Variants in IFTAP observed in about 807,000 individuals in gnomAD.
The protein encoded by IFTAP is intraflagellar transport associated protein.
IFTAP carries 19 observed loss-of-function variants against 19.4 expected under a neutral mutation model. The observed-to-expected ratio is 0.98, with a 90% confidence interval of 0.68 to 1.44. The LOEUF (loss-of-function observed/expected upper bound fraction) is 1.44, where lower values mean the gene tolerates loss of function less well. Among genes scored for constraint, IFTAP ranks in the 40% most tolerant of loss-of-function variants. The pLI is 0.00. For synonymous variants in IFTAP, 85 were observed against 83.5 expected, an observed-to-expected ratio of 1.02 and a Z score of -0.10; for missense variants, 240 against 253.6, an observed-to-expected ratio of 0.95 and a Z score of 0.36.
chr11:36,595,837 G>A (rs535848842), intron 1 of IFTAP, among the ~76,000 whole-genome samples: 5 of 152,372 alleles, frequency 3.3e-5, no homozygotes, highest in African/African-American at 1.2e-4. Flanking sequence ...GATAAGGTTG[G>A]AGAGGATGAG....
At chr11:36,596,063 C>T (rs1237374136) in intron 1 of IFTAP, among the ~76,000 whole-genome samples, 1 of 152,158 alleles carries the variant, frequency 6.6e-6, no homozygotes, top group Non-Finnish European at 1.5e-5. Flanking sequence ...AATGGGATAG[C>T]ACGTGTAAAT....
At chr11:36,623,358 C>T (rs1852381822) in intron 2 of IFTAP, among the ~76,000 whole-genome samples, 1 of 141,832 alleles carries the variant, frequency 7.1e-6, no homozygotes, top group Non-Finnish European at 1.5e-5. Context: ...TGTGATACTC[C>T]CCCCCCCACT....
chr11:36,595,426 T>G (rs1851176578), intron 1 of IFTAP, among the ~76,000 whole-genome samples: 1 of 152,250 alleles, frequency 6.6e-6, no homozygotes, highest in South Asian at 2.1e-4. Context: ...ACACTCCGTG[T>G]TTGCAGTGTG....
At chr11:36,644,749 A>T (rs1309827730) in intron 4 of IFTAP, among the ~76,000 whole-genome samples, 3 of 151,114 alleles carry the variant, frequency 2.0e-5, no homozygotes, top group African/African-American at 7.3e-5. Flanking sequence ...TATCGTAAGG[A>T]TAAAAAAACC....
intron 5 of IFTAP, among the ~76,000 whole-genome samples, chr11:36,651,371 T>C (rs1303974082): frequency 6.6e-6 from 1 of 152,250 alleles, no homozygotes; most frequent in Non-Finnish European, 1.5e-5. Context: ...GAAGTGTCTG[T>C]TCATGTCCTT....
intron 1 of IFTAP, among the ~76,000 whole-genome samples, chr11:36,605,556 G>A (rs1426469358): frequency 3.9e-5 from 6 of 152,136 alleles, no homozygotes; most frequent in Non-Finnish European, 2.9e-5. Context: ...GTGGTTGTTA[G>A]CTTCATTATT....
chr11:36,610,292 TA>T, intron 2 of IFTAP, 53 bp downstream of exon 2: 1 of 1,489,816 alleles, frequency 6.7e-7, no homozygotes, highest in Non-Finnish European at 9.2e-7. Flanking sequence ...AATTTTATTA[TA>T]AGTGTATGTT....
At chr11:36,651,150 G>C (rs144977989) in intron 5 of IFTAP, among the ~76,000 whole-genome samples, 3,884 of 152,248 alleles carry the variant, frequency 0.026, 167 homozygotes, top group African/African-American at 0.088. Flanking sequence ...CACAATGGTT[G>C]AACTAGTTTA....
In IFTAP at chr11:36,616,310, T is replaced by G. The variant is rs540024823; in HGVS notation, c.136+6071T>G. On this transcript the variant is annotated intron_variant, in intron 2 of 5. Coordinates refer to ENST00000334307, the MANE Select transcript of IFTAP (RefSeq NM_138787.4). ...TTATTTCAGATTTTGATATGTAATTTCATTCTTAGTTTTCTTTATGCTATT... is the reference window on the plus strand; with the variant it reads ...TTATTTCAGATTTTGATATGTAATTGCATTCTTAGTTTTCTTTATGCTATT... 5.9e-5 allele frequency among the ~76,000 whole-genome samples: 9 copies of G among 152,154 alleles called. No individual in the cohort carries two copies. The South Asian group carries it at 1.0e-3, about 18-fold the overall frequency.
intron 2 of IFTAP, among the ~76,000 whole-genome samples, chr11:36,626,299 C>T (rs1406244379): frequency 1.3e-5 from 2 of 151,340 alleles, no homozygotes; most frequent in African/African-American, 2.5e-5. Context: ...CGGATACATT[C>T]TTAAACATGG....
chr11:36,627,349 A>G (rs1792852004), intron 2 of IFTAP, among the ~76,000 whole-genome samples: 1 of 151,094 alleles, frequency 6.6e-6, no homozygotes, highest in Admixed American at 6.6e-5. Flanking sequence ...ATTACACCTC[A>G]GTAAAGCTGT....
intron 5 of IFTAP, among the ~76,000 whole-genome samples, chr11:36,654,966 C>A (rs1281638385): frequency 6.6e-6 from 1 of 152,098 alleles, no homozygotes; most frequent in African/African-American, 2.4e-5. Flanking sequence ...TCCAACAGGG[C>A]AGGGCATTTT....
intron 4 of IFTAP, among the ~76,000 whole-genome samples, chr11:36,641,797 G>A (rs552465974): frequency 7.9e-5 from 12 of 152,178 alleles, no homozygotes; most frequent in Middle Eastern, 3.4e-3. Flanking sequence ...GGTCCGCTTC[G>A]TGCAAAGCTG....
At chr11:36,652,991 C>A (rs1057360640) in intron 5 of IFTAP, among the ~76,000 whole-genome samples, 2 of 151,980 alleles carry the variant, frequency 1.3e-5, no homozygotes, top group African/African-American at 4.8e-5. Context: ...ATTTGTGATA[C>A]CCACCCTCTC....
At chr11:36,644,003 C>T (rs1853350763) in intron 4 of IFTAP, among the ~76,000 whole-genome samples, 1 of 152,208 alleles carries the variant, frequency 6.6e-6, no homozygotes, top group Non-Finnish European at 1.5e-5. Flanking sequence ...CAAGTGGAAT[C>T]TAATTAAACT....
chr11:36,633,511 A>T, intron 3 of IFTAP, 73 bp downstream of exon 3: 3 of 1,194,576 alleles, frequency 2.5e-6, no homozygotes, highest in Admixed American at 3.1e-5. Flanking sequence ...AAAAAAAGAG[A>T]CCCTACTAAA....
Position 36,659,112 on chromosome 11 carries a change from G to A in IFTAP, c.592G>A (p.Glu198Lys), listed in dbSNP as rs141551112. Residue 198 changes from glutamate to lysine, a missense_variant, in exon 6 of 6, where the codon GAG becomes AAG. By Grantham distance (56) the Glu-to-Lys change is moderately conservative. Coordinates refer to ENST00000334307, the MANE Select transcript of IFTAP (RefSeq NM_138787.4). The stretch of plus-strand genomic sequence containing the variant: ...CTCCAAGTTTAGTCCTGCAGAGATA[G>A]AGAACATCAAAGAGCTATGCAAGCA... ...LTSKFSPAEI[E>K]NIKELCKQQK... 1.1e-4 allele frequency: 170 copies of A among 1,610,330 alleles called. No homozygotes were observed. Among genetic ancestry groups the A allele is most frequent in the Non-Finnish European group, 1.4e-4 (167 of 1,178,240 alleles).
chr11:36,602,461 T>G (rs7131496), intron 1 of IFTAP, among the ~76,000 whole-genome samples: 23,126 of 152,142 alleles, frequency 0.15, 2,514 homozygotes, highest in African/African-American at 0.31. Flanking sequence ...TAAAGTAACC[T>G]TTAGTGGGAC....
At chr11:36,625,656 T>C (rs1217339036) in intron 2 of IFTAP, among the ~76,000 whole-genome samples, 1 of 152,194 alleles carries the variant, frequency 6.6e-6, no homozygotes, top group African/African-American at 2.4e-5. Context: ...TACTATGTGC[T>C]AAATGTTACT....
Sources: allele counts gnomAD v4.1 joint callset (sites outside exome capture counted in the v4.1 genomes callset), GRCh38; gene constraint gnomAD v4.1.1; transcripts MANE v1.5; gene names NCBI Gene and HGNC (gene_info 2026-07-23, HGNC 2026-07-21).